The following SMCO4 variants were observed in gnomAD, a reference collection of about 807,000 sequenced individuals.
The protein encoded by SMCO4 is single-pass membrane protein with coiled-coil domains 4, also known as single-pass membrane and coiled-coil domain-containing protein 4.
Under a neutral mutation model 3.6 loss-of-function variants are expected in SMCO4, and 4 were observed. The ratio of observed to expected loss-of-function variants is 1.11; its 90% confidence interval spans 0.54 to 2.53. The LOEUF is 2.53. Among genes scored for constraint, SMCO4 ranks in the 30% most tolerant of loss-of-function variants. SMCO4 has a pLI of 0.02. For synonymous variants in SMCO4, 36 were observed against 35.3 expected (o/e 1.02, Z -0.07); for missense variants, 70 against 80.8 (o/e 0.87, Z 0.51).
Position 93,513,355 on chromosome 11 carries a change from T to C in SMCO4, c.-153-14007A>G, listed in dbSNP as rs972883541. Among the ~76,000 whole-genome samples the C allele has an allele frequency of 3.0e-4, 45 of 152,376 alleles. 2 individuals carry two copies. The highest frequency in any genetic ancestry group is 2.3e-3 in the Admixed American group (35 of 15,298). On this transcript the variant is annotated intron_variant, in intron 1 of 2. Transcript: ENST00000298966. ...AAGTTTGACAAAATAAAACTCAAAC[T>C]TAAACTACATGTAATTTACTCTAAT...
intron 1 of SMCO4, among the ~76,000 whole-genome samples, chr11:93,507,296 A>G (rs1287278609): frequency 2.6e-5 from 4 of 152,254 alleles, no homozygotes; most frequent in South Asian, 4.1e-4. Context: ...GTTACTCGGG[A>G]GGCTGAGGCA....
At chr11:93,535,735 A>C in intron 1 of SMCO4, 1 of 1,613,874 alleles carries the variant, frequency 6.2e-7, no homozygotes, top group Non-Finnish European at 8.5e-7. Flanking sequence ...CCTGAGAGCT[A>C]ACATGGATGG....
intron 1 of SMCO4, among the ~76,000 whole-genome samples, chr11:93,537,076 G>T (rs1209726661): frequency 2.6e-5 from 4 of 152,152 alleles, no homozygotes; most frequent in Non-Finnish European, 1.5e-5. Context: ...CTAGTTCTGG[G>T]GCCTTCCTCC....
chr11:93,497,967 A>G (rs1316227574), intron 2 of SMCO4, among the ~76,000 whole-genome samples: 1 of 152,192 alleles, frequency 6.6e-6, no homozygotes, highest in African/African-American at 2.4e-5. Flanking sequence ...TTTATTTTGT[A>G]TAAAAGTTAC....
chr11:93,504,236 T>C (rs576158912), intron 1 of SMCO4, among the ~76,000 whole-genome samples: 7 of 152,292 alleles, frequency 4.6e-5, no homozygotes, highest in African/African-American at 1.4e-4. Context: ...CCTAATTCAA[T>C]CTCAGAGCAA....
chr11:93,494,101 A>G (rs538416916), intron 2 of SMCO4, among the ~76,000 whole-genome samples: 2 of 152,032 alleles, frequency 1.3e-5, no homozygotes, highest in Non-Finnish European at 2.9e-5. Context: ...TCCTTTCGAA[A>G]CCACTGTCCA....
chr11:93,489,910 T>C (rs1319536955), intron 2 of SMCO4, among the ~76,000 whole-genome samples: 1 of 152,144 alleles, frequency 6.6e-6, no homozygotes, highest in Admixed American at 6.5e-5. Context: ...TATTGTCACA[T>C]CCCTCACACC....
chr11:93,552,543 C>A, the SMCO4 span, among the ~76,000 whole-genome samples: 1 of 151,162 alleles, frequency 6.6e-6, no homozygotes, highest in Non-Finnish European at 1.5e-5. Context: ...GTGATCTCGG[C>A]TCACTGCAAC....
intron 2 of SMCO4, among the ~76,000 whole-genome samples, chr11:93,492,321 A>G (rs11604399): frequency 0.12 from 17,966 of 152,202 alleles, 1,311 homozygotes; most frequent in Non-Finnish European, 0.17. Flanking sequence ...GAATATACAA[A>G]CTGATTGACT....
chr11:93,533,017 A>T (rs1160352292), intron 1 of SMCO4, among the ~76,000 whole-genome samples: 4 of 152,218 alleles, frequency 2.6e-5, no homozygotes, highest in African/African-American at 9.6e-5. Context: ...GGATAAGCTT[A>T]AAGGCAGGCA....
intron 2 of SMCO4, among the ~76,000 whole-genome samples, chr11:93,495,455 C>A (rs1948762945): frequency 6.6e-6 from 1 of 152,104 alleles, no homozygotes; most frequent in Admixed American, 6.5e-5. Context: ...GGACCTCCGA[C>A]ACACACAGGA....
upstream of SMCO4, among the ~76,000 whole-genome samples, chr11:93,543,828 A>T (rs1391164600): frequency 6.6e-6 from 1 of 152,230 alleles, no homozygotes; most frequent in Admixed American, 6.5e-5. Context: ...TTGTGAAGAG[A>T]GCAAACGAGT....
At position 93,478,713 on chromosome 11, in the gene SMCO4, GCACACACACACACA is replaced by G. The variant is rs58177836; in HGVS notation, c.*283_*296del. 56 of 226,062 alleles carry G rather than the reference GCACACACACACACA, an allele frequency of 2.5e-4. No individual in the cohort carries two copies. The highest frequency in any genetic ancestry group is 8.1e-4 in the East Asian group (7 of 8,668). The allele number at this position is 226,062 out of a possible 1,614,324, so 14.0% of individuals were successfully genotyped here. A position where few individuals can be genotyped will look rare whatever the true frequency, so the allele number is the denominator to read the frequency against. ...ATCGATTTTTAGGAGAGAAAAAGAA[GCACACACACACACA>G]CACACACACACACACACACACACAC... On this transcript the variant is annotated 3_prime_UTR_variant, in exon 3 of 3. Coordinates refer to ENST00000298966, the MANE Select transcript of SMCO4 (RefSeq NM_020179.3).
intron 1 of SMCO4, among the ~76,000 whole-genome samples, chr11:93,540,724 T>C (rs1359912007): frequency 6.6e-6 from 1 of 152,222 alleles, no homozygotes; most frequent in Non-Finnish European, 1.5e-5. Context: ...GCCTGCTCAA[T>C]GGCAGGGGCT....
chr11:93,488,533 G>A (rs1948676714), intron 2 of SMCO4, among the ~76,000 whole-genome samples: 1 of 152,216 alleles, frequency 6.6e-6, no homozygotes, highest in Admixed American at 6.5e-5. Flanking sequence ...ACAATTTACC[G>A]AGATTGGAAA....
intron 1 of SMCO4, among the ~76,000 whole-genome samples, chr11:93,510,831 G>C (rs1948950068): frequency 6.6e-6 from 1 of 152,178 alleles, no homozygotes; most frequent in African/African-American, 2.4e-5. Flanking sequence ...CACTGCAGTG[G>C]CTCATGCCTG....
chr11:93,498,862 G>C (rs1798292807), intron 2 of SMCO4, among the ~76,000 whole-genome samples: 1 of 152,086 alleles, frequency 6.6e-6, no homozygotes, highest in South Asian at 2.1e-4. Context: ...CTGTGTCCCA[G>C]GCACAACTCA....
At chr11:93,534,241 C>T (rs1478514987) in intron 1 of SMCO4, among the ~76,000 whole-genome samples, 5,741 of 28,554 alleles carry the variant, frequency 0.2, 544 homozygotes, top group African/African-American at 0.33. Flanking sequence ...CACACACACA[C>T]ACACACACAC....
intron 1 of SMCO4, among the ~76,000 whole-genome samples, chr11:93,515,250 T>C (rs550211992): frequency 2.0e-5 from 3 of 152,334 alleles, no homozygotes; most frequent in African/African-American, 7.2e-5. Context: ...ACCATTTGTT[T>C]CTGAAAGAAT....
Sources: allele counts gnomAD v4.1 joint callset (sites outside exome capture counted in the v4.1 genomes callset), GRCh38; gene constraint gnomAD v4.1.1; transcripts MANE v1.5; gene names NCBI Gene and HGNC (gene_info 2026-07-23, HGNC 2026-07-21).